Variants in ADA2 observed in about 807,000 individuals in gnomAD.
The protein encoded by ADA2 is adenosine deaminase CECR1.
A neutral mutation model predicts 44.2 loss-of-function variants in ADA2; 29 were observed. That is an observed-to-expected ratio of 0.66 (90% CI 0.49 to 0.89). The LOEUF (loss-of-function observed/expected upper bound fraction) is 0.89. Ranked by LOEUF, ADA2 falls within the 40% of genes least tolerant of loss-of-function variation. ADA2 has a pLI of 0.00. For missense variants in ADA2, 637 were observed against 644.8 expected (o/e 0.99, Z 0.13); for synonymous variants, 215 against 234.9 (o/e 0.92, Z 0.77).
intron 4 of ADA2, among the ~76,000 whole-genome samples, chr22:17,200,938 A>T (rs1350778378): frequency 6.6e-6 from 1 of 151,800 alleles, no homozygotes; most frequent in Non-Finnish European, 1.5e-5. Flanking sequence ...GATGCCAAGC[A>T]AAGGGAGAGT....
At chr22:17,186,540 C>G (rs1289475016) in intron 7 of ADA2, among the ~76,000 whole-genome samples, 2 of 151,888 alleles carry the variant, frequency 1.3e-5, no homozygotes, top group African/African-American at 2.4e-5. Context: ...CGAGATCGCA[C>G]CACTGCACTC....
rs558480677 is a variant in ADA2, at chr22:17,192,828, C to T, written c.754-1018G>A. On this transcript the variant is annotated intron_variant, in intron 4 of 9. Transcript: ENST00000399837. The stretch of plus-strand genomic sequence containing the variant: ...TGGGCGACAAAGCAAGACTCTGTCT[C>T]GAAAAAAAAAAAGGGGGGGCCCTCT... The T allele has an allele frequency of 2.5e-4, 76 of 304,124 alleles. 1 individual carries two copies. The highest frequency in any genetic ancestry group is 1.7e-3 in the South Asian group (74 of 43,152). The allele number at this position is 304,124 out of a possible 1,614,324, so 18.8% of individuals were successfully genotyped here. A position where few individuals can be genotyped will look rare whatever the true frequency, so the allele number is the denominator to read the frequency against.
intron 4 of ADA2, among the ~76,000 whole-genome samples, chr22:17,194,139 G>A (rs1374902496): frequency 1.3e-5 from 2 of 152,216 alleles, no homozygotes; most frequent in Admixed American, 1.3e-4. Context: ...CCTGACCAAG[G>A]GAATGGTGGC....
intron 7 of ADA2, 93 bp downstream of exon 7, chr22:17,188,246 G>A (rs2062061632): frequency 4.8e-6 from 4 of 826,032 alleles, no homozygotes; most frequent in African/African-American, 1.7e-5. Context: ...CTCTGGAAAC[G>A]CCTGTAGGCT....
chr22:17,216,771 A>C (rs7287290), intron 1 of ADA2, among the ~76,000 whole-genome samples: 63,677 of 135,170 alleles, frequency 0.47, 16,201 homozygotes, highest in Middle Eastern at 0.69. Context: ...AAAAAAAAAA[A>C]ACACACACAC....
chr22:17,197,962 C>T lies in ADA2; in HGVS notation c.753+5601G>A, dbSNP rs189195089. 9.9e-5 allele frequency among the ~76,000 whole-genome samples: 15 copies of T among 151,104 alleles called. No homozygotes were observed. The East Asian group carries it at 1.8e-3, about 18-fold the overall frequency. ...CTGAGGCAGGAGAATCGCTTGAACC[C>T]GGGAGGCGGAGGTTGCGGTGAGCCA... On this transcript the variant is annotated intron_variant, in intron 4 of 9. Coordinates refer to ENST00000399837, the MANE Select transcript of ADA2 (RefSeq NM_001282225.2).
chr22:17,210,447 C>T (rs2062407121), intron 1 of ADA2, among the ~76,000 whole-genome samples: 1 of 152,138 alleles, frequency 6.6e-6, no homozygotes, highest in South Asian at 2.1e-4. Flanking sequence ...GCCTCAGTCT[C>T]CCAAAGTGCT....
At chr22:17,209,110 G>C (rs112705612) in intron 2 of ADA2, among the ~76,000 whole-genome samples, 171 of 152,192 alleles carry the variant, frequency 1.1e-3, no homozygotes, top group African/African-American at 3.8e-3. Context: ...AAACTAAAAA[G>C]GGAATAGCAA....
intron 5 of ADA2, 43 bp from the exon 6 acceptor site, chr22:17,190,075 G>A (rs779710974): frequency 1.3e-5 from 19 of 1,447,172 alleles, no homozygotes; most frequent in Admixed American, 1.7e-5. Flanking sequence ...GCCCAGCACC[G>A]ACAGAGCACA....
At chr22:17,199,448 C>CCT (rs1555886267) in intron 4 of ADA2, 138 of 1,129,910 alleles carry the variant, frequency 1.2e-4, no homozygotes, top group South Asian at 1.5e-4. Flanking sequence ...TCTTCCCCTC[C>CCT]ACCCACGAAG....
upstream of ADA2, among the ~76,000 whole-genome samples, chr22:17,221,095 A>G (rs2062519483): frequency 6.6e-6 from 1 of 151,662 alleles, no homozygotes; most frequent in Non-Finnish European, 1.5e-5. Flanking sequence ...GTGAGCTGAG[A>G]TTGCACCATT....
chr22:17,199,446 T>TCC, intron 4 of ADA2: 2 of 917,622 alleles, frequency 2.2e-6, no homozygotes, highest in Non-Finnish European at 1.7e-6. Flanking sequence ...CCTCTTCCCC[T>TCC]CCACCCACGA....
intron 1 of ADA2, among the ~76,000 whole-genome samples, chr22:17,217,249 A>C (rs1009487655): frequency 1.3e-5 from 2 of 152,188 alleles, no homozygotes; most frequent in African/African-American, 2.4e-5. Flanking sequence ...AGAAAAAAAA[A>C]ACAGGTGAAG....
Position 17,209,569 on chromosome 22 carries a change from G to A in ADA2, c.109C>T (p.Leu37=). The change falls in exon 2 of 10, where the codon CTG becomes TTG. Residue 37 remains leucine, a synonymous_variant. Coordinates refer to ENST00000399837, the MANE Select transcript of ADA2 (RefSeq NM_001282225.2). The part of the protein sequence containing the change: ...ALSIDETRAH[L]LLKEKMMRLG... Reference sequence around the variant, plus strand: ...CGCATCATCTTTTCTTTCAACAACAGATGCGCCCGTGTTTCATCTATGGAT... The same window carrying A: ...CGCATCATCTTTTCTTTCAACAACAAATGCGCCCGTGTTTCATCTATGGAT... 6.2e-7 allele frequency: 1 copy of A among 1,614,102 alleles called. No homozygotes were observed.
intron 4 of ADA2, among the ~76,000 whole-genome samples, chr22:17,195,359 T>C (rs1426575334): frequency 6.6e-6 from 1 of 151,894 alleles, no homozygotes; most frequent in Non-Finnish European, 1.5e-5. Context: ...TGAAACCTCA[T>C]CTCTACTAAA....
rs1454601656 is a variant in ADA2, at chr22:17,203,496, C to T, written c.753+67G>A. 3.1e-6 allele frequency: 4 copies of T among 1,296,136 alleles called. No individual in the cohort carries two copies. In the East Asian group the frequency reaches 9.3e-5, roughly 30 times the overall value. 80.3% of individuals were successfully genotyped at this position (1,296,136 alleles called of 1,614,324 possible). A position where few individuals can be genotyped will look rare whatever the true frequency, so the allele number is the denominator to read the frequency against. On this transcript the variant is annotated intron_variant, in intron 4 of 9. Transcript: ENST00000399837. ...CAATTCATGAGCATTCAGTCTTCTA[C>T]CAGCTAAGATCTGAGTCAGGCCAGA...
intron 6 of ADA2, among the ~76,000 whole-genome samples, chr22:17,189,385 G>C (rs1440524081): frequency 6.6e-6 from 1 of 152,140 alleles, no homozygotes; most frequent in Non-Finnish European, 1.5e-5. Flanking sequence ...GGGGAGGTGT[G>C]GGACAATGAC....
At chr22:17,181,726 AC>A in intron 9 of ADA2, 93 bp downstream of exon 9, 1 of 1,175,230 alleles carries the variant, frequency 8.5e-7, no homozygotes, top group South Asian at 1.3e-5. Flanking sequence ...ACCCACAGGA[AC>A]CATCGAGGCA....
rs548766340 is a variant in ADA2, at chr22:17,209,412, G to A, written c.266C>T (p.Ala89Val). ...IFPPSMHFFQ[A>V]KHLIERSQVF... ...TTGACTTCTCTCAATGAGATGCTTGGCCTGGAAAAAGTGCATGCTGGGTGG... is the reference window on the plus strand; with the variant it reads ...TTGACTTCTCTCAATGAGATGCTTGACCTGGAAAAAGTGCATGCTGGGTGG... The change falls in exon 2 of 10, where the codon GCC (alanine) becomes GTC (valine). Residue 89 changes from alanine (A) to valine (V), a missense_variant. Ala to Val is a moderately conservative substitution (Grantham distance 64). Transcript: ENST00000399837. 3.1e-6 allele frequency: 5 copies of A among 1,613,950 alleles called. No individual in the cohort carries two copies. In the African/African-American group the frequency reaches 4.0e-5, roughly 13 times the overall value.
Sources: allele counts gnomAD v4.1 joint callset (sites outside exome capture counted in the v4.1 genomes callset), GRCh38; gene constraint gnomAD v4.1.1; transcripts MANE v1.5; gene names NCBI Gene and HGNC (gene_info 2026-07-23, HGNC 2026-07-21).